PKD1L1: variants seen among roughly 807,000 people sequenced by gnomAD.
PKD1L1 encodes the protein polycystin-1-like protein 1.
PKD1L1 carries 236 observed loss-of-function variants against 323.4 expected under a neutral mutation model. The observed-to-expected ratio is 0.73, with a 90% CI of 0.66 to 0.81. The LOEUF (loss-of-function observed/expected upper bound fraction) is 0.81, where lower values mean the gene tolerates loss of function less well. PKD1L1 is among the 40% of genes least tolerant of loss of function. The pLI is 0.00. For missense variants in PKD1L1, 3,320 were observed against 3,508.0 expected, an observed-to-expected ratio of 0.95 and a Z score of 1.35; for synonymous variants, 1,344 against 1,335.0, an observed-to-expected ratio of 1.01 and a Z score of -0.15.
At chr7:47,787,587 T>C (rs1322108006) in intron 56 of PKD1L1, among the ~76,000 whole-genome samples, 1 of 152,214 alleles carries the variant, frequency 6.6e-6, no homozygotes, top group Non-Finnish European at 1.5e-5. Flanking sequence ...TATAAAGGAC[T>C]GCTCAACCAT....
In PKD1L1 at chr7:47,775,937, C is replaced by T. The variant is rs543642496; in HGVS notation, c.8527-771G>A. Reference sequence around the variant, plus strand: ...CATATCAAAGACACAAATATGTTGTCTTTGAATAACAACAACAACAAAGAC... The same window carrying T: ...CATATCAAAGACACAAATATGTTGTTTTTGAATAACAACAACAACAAAGAC... On this transcript the variant is annotated intron_variant, in intron 56 of 56. Transcript: ENST00000289672. Among the ~76,000 whole-genome samples, 719 of 152,074 alleles carry T rather than the reference C, an allele frequency of 4.7e-3. 1 individual carries two copies. The highest frequency in any genetic ancestry group is 0.01 in the Middle Eastern group (3 of 292).
At chr7:47,829,312 G>T in intron 44 of PKD1L1, 113 bp downstream of exon 44, 1 of 1,038,116 alleles carries the variant, frequency 9.6e-7, no homozygotes, top group Non-Finnish European at 1.4e-6. Context: ...CATCCCATGG[G>T]TCTCCAAAGA....
At chr7:47,837,225 T>C in intron 36 of PKD1L1, 131 bp from the exon 37 acceptor site, 1 of 1,041,594 alleles carries the variant, frequency 9.6e-7, no homozygotes, top group Non-Finnish European at 1.4e-6. Context: ...GCTGCTTAGC[T>C]GTGTACCAGG....
intron 17 of PKD1L1, among the ~76,000 whole-genome samples, chr7:47,886,566 C>T (rs138977142): frequency 1.2e-3 from 177 of 152,264 alleles, no homozygotes; most frequent in Middle Eastern, 0.01. Flanking sequence ...TAGTGCCCTC[C>T]TCGCTGTAAT....
chr7:47,862,113 T>C (rs1038903742), intron 26 of PKD1L1, among the ~76,000 whole-genome samples: 5 of 151,652 alleles, frequency 3.3e-5, no homozygotes, highest in South Asian at 2.1e-4. Context: ...GAGAATCACT[T>C]GAACCCGGAA....
chr7:47,936,956 G>A lies in PKD1L1; in HGVS notation c.288C>T (p.Asn96=), dbSNP rs1458730680. Residue 96 remains asparagine (N), a splice_region_variant and synonymous_variant, in exon 4 of 57, where the codon AAC becomes AAT. Transcript: ENST00000289672. ...SPSSSASRQK[N]IWKTTSEAAL... is the part of the protein sequence containing the mutation. ...CTGCTTCACTAGTTGTTTTCCAAAT[G>A]TTCTGTAAGAAAAAATAATAAAATA... The A allele has an allele frequency of 6.2e-7, 1 of 1,601,882 alleles. No individual in the cohort carries two copies. The highest frequency in any genetic ancestry group is 1.7e-5 in the Admixed American group (1 of 57,712).
chr7:47,780,032 A>T (rs1385659792), intron 56 of PKD1L1, among the ~76,000 whole-genome samples: 4 of 150,708 alleles, frequency 2.7e-5, no homozygotes, highest in African/African-American at 9.8e-5. Flanking sequence ...TTTTTTAATT[A>T]TTTTTTTTTT....
At chr7:47,884,532 A>G (rs1786638463) in intron 19 of PKD1L1, 66 bp downstream of exon 19, 12 of 1,427,450 alleles carry the variant, frequency 8.4e-6, no homozygotes, top group Non-Finnish European at 7.9e-6. Context: ...TGGGAAATCC[A>G]GATTGCAGAA....
At position 47,827,455 on chromosome 7, in the gene PKD1L1, C is replaced by T. The variant is rs781179888; in HGVS notation, c.6749G>A (p.Arg2250Gln). 36 of 1,608,248 alleles carry T rather than the reference C, an allele frequency of 2.2e-5. No homozygotes were observed. The highest frequency in any genetic ancestry group is 1.6e-4 in the Middle Eastern group (1 of 6,076). The change falls in exon 45 of 57, where the codon CGA becomes CAA. Residue 2250 changes from arginine (R) to glutamine (Q), a missense_variant. Arg to Gln is a conservative substitution (Grantham distance 43). Coordinates refer to ENST00000289672, the MANE Select transcript of PKD1L1 (RefSeq NM_138295.5). ...AGEVEKVLAARQQARHLRWAH... is the reference protein window; with the variant it reads ...AGEVEKVLAAQQQARHLRWAH... ...CCAGCGCAGGTGGCGAGCTTGTTGT[C>T]GGGCAGCCAAGACCTGTCAGGGACA...
chr7:47,818,263 A>T, intron 46 of PKD1L1: 1 of 1,223,802 alleles, frequency 8.2e-7, no homozygotes, highest in Non-Finnish European at 1.1e-6. Flanking sequence ...GGGCACAGAG[A>T]TGCAGTGAAA....
chr7:47,845,162 G>A (rs1785639289), intron 32 of PKD1L1, 84 bp from the exon 33 acceptor site: 1 of 1,124,786 alleles, frequency 8.9e-7, no homozygotes, highest in Non-Finnish European at 1.3e-6. Context: ...TTAAAGGAAT[G>A]AGAAAAGGAA....
In PKD1L1 at chr7:47,825,625, G is replaced by T. The variant is rs537253617; in HGVS notation, c.6854+1725C>A. Among the ~76,000 whole-genome samples, 42 of 150,242 alleles carry T rather than the reference G, an allele frequency of 2.8e-4. 1 individual carries two copies. Among genetic ancestry groups the T allele is most frequent in the Middle Eastern group, 7.1e-3 (2 of 282 alleles). On this transcript the variant is annotated intron_variant, in intron 45 of 56. Coordinates refer to ENST00000289672, the MANE Select transcript of PKD1L1 (RefSeq NM_138295.5). ...TATTTTACAAATAGTTTCTTTTTAC[G>T]TAGGAGTTATTTCTTTCTCTTCTTC...
At chr7:47,797,694 T>C (rs1039436379) in intron 54 of PKD1L1, among the ~76,000 whole-genome samples, 2 of 152,194 alleles carry the variant, frequency 1.3e-5, no homozygotes, top group Non-Finnish European at 2.9e-5. Context: ...AACTCCAGCA[T>C]GGCCCTCCCT....
rs145982570 is a variant in PKD1L1, at chr7:47,945,976, G to A, written c.44+2421C>T. Among the ~76,000 whole-genome samples, 290 of 152,278 alleles carry A rather than the reference G, an allele frequency of 1.9e-3. 1 individual carries two copies. Among genetic ancestry groups the A allele is most frequent in the African/African-American group, 6.4e-3 (267 of 41,536 alleles). On this transcript the variant is annotated intron_variant, in intron 1 of 56. Transcript: ENST00000289672. ...TCACAGAGGCGCCAAGGATAGTGCT[G>A]CAAAGCTAATTTTCCTTGAGATTTC...
At chr7:47,776,204 A>G (rs565526671) in intron 56 of PKD1L1, among the ~76,000 whole-genome samples, 1 of 152,368 alleles carries the variant, frequency 6.6e-6, no homozygotes, top group South Asian at 2.1e-4. Flanking sequence ...AAAAACTTCA[A>G]TTCTAGATGG....
At chr7:47,948,556 A>G (rs1788149103), upstream of PKD1L1, 7 of 961,610 alleles carry the variant, frequency 7.3e-6, no homozygotes, top group Non-Finnish European at 1.1e-5. Flanking sequence ...GTGACCTCTT[A>G]TCAGGACACA....
chr7:47,936,858 T>C lies in PKD1L1; in HGVS notation c.386A>G (p.Asn129Ser). Residue 129 changes from asparagine (N) to serine (S), a missense_variant, in exon 4 of 57, where the codon AAC (asparagine) becomes AGC (serine). Physicochemically the swap from Asn to Ser is conservative, Grantham distance 46. Coordinates refer to ENST00000289672, the MANE Select transcript of PKD1L1 (RefSeq NM_138295.5). ...EKTQAPLDCD[N>S]SADRIPHKPF... ...TACATTGACATACCTATCAGCACTG[T>C]TATCACAATCCAGAGGCGCCTGTGT... 6.2e-7 allele frequency: 1 copy of C among 1,612,628 alleles called. No individual in the cohort carries two copies. Among genetic ancestry groups the C allele is most frequent in the Non-Finnish European group, 8.5e-7 (1 of 1,179,414 alleles).
chr7:47,858,642 T>C, intron 27 of PKD1L1, 31 bp downstream of exon 27: 26 of 1,579,396 alleles, frequency 1.6e-5, no homozygotes, highest in Non-Finnish European at 2.3e-5. Context: ...GGAAACAGTA[T>C]TTTTATGGAT....
intron 31 of PKD1L1, among the ~76,000 whole-genome samples, chr7:47,852,364 T>G (rs1330426851): frequency 6.6e-6 from 1 of 152,234 alleles, no homozygotes; most frequent in Non-Finnish European, 1.5e-5. Context: ...AATTTGAATT[T>G]GATGAGCAAT....
Sources: gnomAD v4.1 joint callset for allele counts (sites outside exome capture counted in the v4.1 genomes callset) on GRCh38, gnomAD v4.1.1 for gene constraint, MANE v1.5 for transcripts, NCBI Gene and HGNC (gene_info 2026-07-23, HGNC 2026-07-21) for gene names.